PXDNL: variants seen among roughly 807,000 people sequenced by gnomAD.
PXDNL encodes the protein probable oxidoreductase PXDNL.
Under a neutral mutation model 150.8 loss-of-function variants are expected in PXDNL, and 145 were observed. That is an observed-to-expected ratio of 0.96 (90% CI 0.84 to 1.10). The LOEUF (loss-of-function observed/expected upper bound fraction) is 1.10, where lower values mean the gene tolerates loss of function less well. Among genes scored for constraint, PXDNL ranks in the 50% least tolerant of loss-of-function variants. The probability of loss-of-function intolerance (pLI) is 0.00; values close to 1 mark genes in which losing one functional copy is unlikely to be tolerated. For synonymous variants in PXDNL, 757 were observed against 725.7 expected, an observed-to-expected ratio of 1.04 and a Z score of -0.69; for missense variants, 2,087 against 1,873.9, an observed-to-expected ratio of 1.11 and a Z score of -2.10.
intron 2 of PXDNL, among the ~76,000 whole-genome samples, chr8:51,650,960 C>T (rs1030268898): frequency 1.9e-4 from 29 of 152,074 alleles, no homozygotes; most frequent in African/African-American, 7.0e-4. Flanking sequence ...TGTTTATTTC[C>T]AAAGGACATG....
intron 6 of PXDNL, 30 bp from the exon 7 acceptor site, chr8:51,475,171 T>C: frequency 3.2e-6 from 5 of 1,576,334 alleles, no homozygotes; most frequent in Non-Finnish European, 4.3e-6. Flanking sequence ...GTACAACTGT[T>C]AAAAGGGACT....
intron 1 of PXDNL, among the ~76,000 whole-genome samples, chr8:51,754,665 G>A (rs983166354): frequency 2.6e-5 from 4 of 152,076 alleles, no homozygotes; most frequent in East Asian, 1.9e-4. Flanking sequence ...CACCATGCCC[G>A]GCTAATTTTT....
At chr8:51,507,076 T>A (rs192385103) in intron 4 of PXDNL, among the ~76,000 whole-genome samples, 1 of 152,298 alleles carries the variant, frequency 6.6e-6, no homozygotes, top group East Asian at 1.9e-4. Flanking sequence ...CATTAATAAG[T>A]ACTTATTGAG....
At chr8:51,695,329 G>A (rs1221947652) in intron 1 of PXDNL, among the ~76,000 whole-genome samples, 1 of 152,144 alleles carries the variant, frequency 6.6e-6, no homozygotes, top group Non-Finnish European at 1.5e-5. Flanking sequence ...TTTACCTTCA[G>A]CAGAGGATTT....
chr8:51,342,317 AC>A (rs1200532792), intron 20 of PXDNL, among the ~76,000 whole-genome samples: 1 of 152,048 alleles, frequency 6.6e-6, no homozygotes, highest in Non-Finnish European at 1.5e-5. Flanking sequence ...ATCAGAATAA[AC>A]TTTTAACATA....
At chr8:51,359,768 T>C (rs1292033776) in intron 19 of PXDNL, among the ~76,000 whole-genome samples, 1 of 152,048 alleles carries the variant, frequency 6.6e-6, no homozygotes, top group Non-Finnish European at 1.5e-5. Flanking sequence ...TAAAAAAGCA[T>C]TAGAGAACCC....
At chr8:51,391,704 T>C (rs1047026822) in intron 17 of PXDNL, among the ~76,000 whole-genome samples, 1 of 152,184 alleles carries the variant, frequency 6.6e-6, no homozygotes, top group African/African-American at 2.4e-5. Context: ...TTCACTCTGA[T>C]GGTAGTTTCT....
chr8:51,454,371 A>G (rs1352315352), intron 9 of PXDNL, among the ~76,000 whole-genome samples: 14 of 152,214 alleles, frequency 9.2e-5, no homozygotes, highest in Admixed American at 6.5e-5. Flanking sequence ...CCCTTGTCCT[A>G]CTTGTGGCAT....
chr8:51,560,366 T>C (rs1337134895), intron 3 of PXDNL, among the ~76,000 whole-genome samples: 2 of 151,958 alleles, frequency 1.3e-5, no homozygotes, highest in African/African-American at 4.8e-5. Flanking sequence ...TAAAACAATC[T>C]TGAGAAAGAA....
At chr8:51,801,891 C>G (rs1157785939) in intron 1 of PXDNL, among the ~76,000 whole-genome samples, 2 of 152,128 alleles carry the variant, frequency 1.3e-5, no homozygotes, top group African/African-American at 4.8e-5. Flanking sequence ...TTTGGGGGAC[C>G]TCTAGGTTTG....
At chr8:51,690,904 A>G (rs1193665991) in intron 1 of PXDNL, among the ~76,000 whole-genome samples, 2 of 151,996 alleles carry the variant, frequency 1.3e-5, no homozygotes, top group African/African-American at 4.8e-5. Flanking sequence ...TTTGATTTGC[A>G]TTTCTCTGAT....
At chr8:51,321,673 G>T (rs563041590) in intron 21 of PXDNL, among the ~76,000 whole-genome samples, 3 of 152,138 alleles carry the variant, frequency 2.0e-5, no homozygotes, top group Admixed American at 2.0e-4. Context: ...CTTCCCCTTT[G>T]CCTTCCACCA....
intron 4 of PXDNL, among the ~76,000 whole-genome samples, chr8:51,555,380 T>C (rs965185999): frequency 6.6e-6 from 1 of 152,228 alleles, no homozygotes; most frequent in Non-Finnish European, 1.5e-5. Context: ...CACTTCTTAA[T>C]GCTGCTACAA....
chr8:51,356,248 G>A (rs557722004), intron 19 of PXDNL, among the ~76,000 whole-genome samples: 2 of 152,318 alleles, frequency 1.3e-5, no homozygotes, highest in African/African-American at 2.4e-5. Context: ...CAGCACCTTG[G>A]GAGGCCGAGG....
At chr8:51,790,555 G>T (rs562468780) in intron 1 of PXDNL, among the ~76,000 whole-genome samples, 2 of 152,274 alleles carry the variant, frequency 1.3e-5, no homozygotes, top group South Asian at 4.2e-4. Flanking sequence ...GCAACTAAGG[G>T]CAGCATTATT....
intron 3 of PXDNL, among the ~76,000 whole-genome samples, chr8:51,557,646 C>T (rs1812626372): frequency 6.6e-6 from 1 of 152,092 alleles, no homozygotes; most frequent in African/African-American, 2.4e-5. Flanking sequence ...TCGGAATGTG[C>T]TCTTGCATAT....
chr8:51,689,132 A>C (rs1468013287), intron 1 of PXDNL, among the ~76,000 whole-genome samples: 1 of 152,178 alleles, frequency 6.6e-6, no homozygotes, highest in Non-Finnish European at 1.5e-5. Flanking sequence ...CCAGCCCACA[A>C]GTCTCTTGGA....
chr8:51,809,096 T>C (rs2129268018), intron 1 of PXDNL, 85 bp downstream of exon 1: 1 of 1,382,522 alleles, frequency 7.2e-7, no homozygotes, highest in South Asian at 1.2e-5. Flanking sequence ...GCATTAGGAA[T>C]CGTAAATTAA....
At chr8:51,486,782 A>T (rs1262948470) in intron 5 of PXDNL, among the ~76,000 whole-genome samples, 12 of 21,424 alleles carry the variant, frequency 5.6e-4, no homozygotes, top group African/African-American at 2.1e-3. Context: ...ATATATATAT[A>T]TATATATATA....
Sources: allele counts gnomAD v4.1 joint callset (sites outside exome capture counted in the v4.1 genomes callset), GRCh38; gene constraint gnomAD v4.1.1; transcripts MANE v1.5; gene names NCBI Gene and HGNC (gene_info 2026-07-23, HGNC 2026-07-21).